ELAVL4: variants seen among roughly 807,000 people sequenced by gnomAD.
ELAVL4 encodes ELAV-like protein 4.
Under a neutral mutation model 35.6 loss-of-function variants are expected in ELAVL4, and 1 was observed. That is an observed-to-expected ratio of 0.03 (90% CI 0.01 to 0.13). The LOEUF is 0.13. Ranked by LOEUF, ELAVL4 falls within the 10% of genes least tolerant of loss-of-function variation. The pLI is 1.00. For synonymous variants in ELAVL4, 156 were observed against 171.0 expected (o/e 0.91, Z 0.69); for missense variants, 267 against 464.9 (o/e 0.57, Z 3.91).
At chr1:50,098,744 A>G (rs12743369) in intron 1 of ELAVL4, among the ~76,000 whole-genome samples, 61,404 of 152,176 alleles carry the variant, frequency 0.4, 15,755 homozygotes, top group Non-Finnish European at 0.57. Context: ...GGGAAGAACT[A>G]AAAAGGGTCA....
At chr1:50,055,303 T>C (rs1306812417) in intron 1 of ELAVL4, among the ~76,000 whole-genome samples, 2 of 151,908 alleles carry the variant, frequency 1.3e-5, no homozygotes, top group East Asian at 1.9e-4. Flanking sequence ...TTTGTTTTTG[T>C]TTTTGTTTTT....
intron 1 of ELAVL4, among the ~76,000 whole-genome samples, chr1:50,091,036 A>G (rs1197780826): frequency 6.6e-6 from 1 of 152,244 alleles, no homozygotes; most frequent in Non-Finnish European, 1.5e-5. Context: ...AATTTAAGCT[A>G]GAAGAATGCA....
At chr1:50,076,433 G>T (rs1664769150) in intron 1 of ELAVL4, among the ~76,000 whole-genome samples, 1 of 152,142 alleles carries the variant, frequency 6.6e-6, no homozygotes, top group Non-Finnish European at 1.5e-5. Context: ...ATCTCTTACT[G>T]TGCTTACTTC....
chr1:50,051,449 T>G (rs542021619), intron 1 of ELAVL4, among the ~76,000 whole-genome samples: 20 of 152,330 alleles, frequency 1.3e-4, no homozygotes, highest in African/African-American at 4.6e-4. Flanking sequence ...AAACTTGAAT[T>G]AGAGTACTGA....
chr1:50,192,061 G>A (rs1682739572), intron 3 of ELAVL4, among the ~76,000 whole-genome samples: 4 of 152,188 alleles, frequency 2.6e-5, no homozygotes, highest in Non-Finnish European at 5.9e-5. Flanking sequence ...AGTCACATGG[G>A]GTTCTTAGTC....
chr1:50,163,098 C>T (rs545664785), intron 2 of ELAVL4, among the ~76,000 whole-genome samples: 13 of 152,138 alleles, frequency 8.5e-5, no homozygotes, highest in Admixed American at 5.2e-4. Flanking sequence ...TCTTTCTTCT[C>T]GAGGAATGGG....
intron 2 of ELAVL4, among the ~76,000 whole-genome samples, chr1:50,159,258 T>C (rs1191375908): frequency 6.6e-6 from 1 of 152,158 alleles, no homozygotes; most frequent in Non-Finnish European, 1.5e-5. Context: ...ATAATGTTTT[T>C]TAAAAGGGGT....
chr1:50,077,031 C>A (rs1252800099), intron 1 of ELAVL4, among the ~76,000 whole-genome samples: 1 of 152,092 alleles, frequency 6.6e-6, no homozygotes, highest in East Asian at 1.9e-4. Flanking sequence ...GTTTCTCTCT[C>A]TCTCTCTCTC....
chr1:50,149,700 C>A (rs1403484306), intron 2 of ELAVL4, among the ~76,000 whole-genome samples: 1 of 151,870 alleles, frequency 6.6e-6, no homozygotes, highest in Admixed American at 6.6e-5. Flanking sequence ...CCCGCCACCA[C>A]GCCTGGCTAA....
chr1:50,182,432 C>T (rs898757453), intron 3 of ELAVL4, among the ~76,000 whole-genome samples: 1 of 152,174 alleles, frequency 6.6e-6, no homozygotes, highest in African/African-American at 2.4e-5. Context: ...TCACTGCTGG[C>T]TCTGCCTCCA....
intron 1 of ELAVL4, among the ~76,000 whole-genome samples, chr1:50,098,238 C>G (rs1255763394): frequency 6.6e-6 from 1 of 152,176 alleles, no homozygotes; most frequent in Non-Finnish European, 1.5e-5. Flanking sequence ...TCTTTATTCA[C>G]TCTTCTCAGT....
intron 2 of ELAVL4, among the ~76,000 whole-genome samples, chr1:50,171,248 G>C (rs1332537353): frequency 1.3e-5 from 2 of 152,096 alleles, no homozygotes; most frequent in East Asian, 3.9e-4. Flanking sequence ...AGAAGGAGAA[G>C]AGACCCCCAG....
At position 50,145,118 on chromosome 1, in the gene ELAVL4, G is replaced by A. The variant is rs766676470; in HGVS notation, c.171G>A (p.Met57Ile). ...TCGTCAACTATTTACCCCAGAATATGACCCAAGAAGAATTCAGGAGTCTCT... is the reference window on the plus strand; with the variant it reads ...TCGTCAACTATTTACCCCAGAATATAACCCAAGAAGAATTCAGGAGTCTCT... ...NLIVNYLPQN[M>I]TQEEFRSLFG... The change falls in exon 2 of 7, where the codon ATG becomes ATA. Residue 57 changes from methionine (M) to isoleucine (I), a missense_variant. Met to Ile is a conservative substitution (Grantham distance 10). This residue lies in a region of ELAVL4 where 216 missense variants were observed against 409.5 expected (regional missense o/e 0.53). Coordinates refer to ENST00000371824, the MANE Select transcript of ELAVL4 (RefSeq NM_001144774.3). 1 of 1,613,966 alleles carries A rather than the reference G, an allele frequency of 6.2e-7. No individual in the cohort carries two copies. The highest frequency in any genetic ancestry group is 8.5e-7 in the Non-Finnish European group (1 of 1,179,938).
chr1:50,086,367 T>C (rs1014955652), intron 1 of ELAVL4, among the ~76,000 whole-genome samples: 4 of 151,890 alleles, frequency 2.6e-5, no homozygotes, highest in African/African-American at 9.7e-5. Flanking sequence ...TCCTTGAAAT[T>C]GGGAAATTTT....
In ELAVL4 at chr1:50,197,258, C is replaced by T. The variant is rs531537730; in HGVS notation, c.735-171C>T. Among the ~76,000 whole-genome samples the T allele has an allele frequency of 1.7e-3, 254 of 152,316 alleles. 1 individual carries two copies. Among genetic ancestry groups the T allele is most frequent in the Non-Finnish European group, 2.9e-3 (198 of 68,032 alleles). On this transcript the variant is annotated intron_variant, in intron 5 of 6. Coordinates refer to ENST00000371824, the MANE Select transcript of ELAVL4 (RefSeq NM_001144774.3). The stretch of plus-strand genomic sequence containing the variant: ...CTAGCAATGACCTGAACATGAATTA[C>T]TTGCAGTTAGAGACAGAAAAGGGGG...
intron 1 of ELAVL4, among the ~76,000 whole-genome samples, chr1:50,067,504 T>A (rs75101153): frequency 0.028 from 4,246 of 152,260 alleles, 167 homozygotes; most frequent in African/African-American, 0.097. Context: ...TAAATATGCA[T>A]ATAAATACTA....
chr1:50,058,197 T>C (rs754732940), intron 1 of ELAVL4, among the ~76,000 whole-genome samples: 1 of 152,200 alleles, frequency 6.6e-6, no homozygotes, highest in Non-Finnish European at 1.5e-5. Flanking sequence ...TCTGCTTTTA[T>C]AGATAAATGA....
intron 1 of ELAVL4, among the ~76,000 whole-genome samples, chr1:50,142,819 G>A (rs566981688): frequency 2.2e-4 from 34 of 152,150 alleles, no homozygotes; most frequent in Admixed American, 1.3e-3. Flanking sequence ...TGTACATAAC[G>A]CTCATAGCAG....
Position 50,170,032 on chromosome 1 carries a change from T to C in ELAVL4, c.251-7057T>C, listed in dbSNP as rs537029710. Among the ~76,000 whole-genome samples the C allele has an allele frequency of 9.8e-5, 15 of 152,308 alleles. No homozygotes were observed. In the South Asian group the frequency reaches 2.3e-3, roughly 23 times the overall value. ...GTAGGTGCTAGTTATATGTGGGATT[T>C]GTGTGCATGTTAAATATTATATGCT... On this transcript the variant is annotated intron_variant, in intron 2 of 6. Coordinates refer to ENST00000371824, the MANE Select transcript of ELAVL4 (RefSeq NM_001144774.3).
Sources: gnomAD v4.1 joint callset for allele counts (sites outside exome capture counted in the v4.1 genomes callset) on GRCh38, gnomAD v4.1.1 for gene constraint, gnomAD v4.1.1 regional missense constraint, MANE v1.5 for transcripts, NCBI Gene and HGNC (gene_info 2026-07-23, HGNC 2026-07-21) for gene names.